GPC6: variants seen among roughly 807,000 people sequenced by gnomAD.
GPC6 encodes glypican-6.
In GPC6, 14 loss-of-function variants were observed where a neutral mutation model predicts 55.2. That is an observed-to-expected ratio of 0.25 (90% CI 0.17 to 0.40). The LOEUF is 0.40. Ranked by LOEUF, GPC6 falls within the 10% of genes least tolerant of loss-of-function variation. The pLI is 1.00. For synonymous variants in GPC6, 278 were observed against 259.6 expected (o/e 1.07, Z -0.68); for missense variants, 641 against 708.5 (o/e 0.90, Z 1.08).
intron 4 of GPC6, among the ~76,000 whole-genome samples, chr13:94,076,958 C>A (rs891814904): frequency 6.6e-5 from 5 of 76,098 alleles, no homozygotes; most frequent in Non-Finnish European, 1.3e-4. Flanking sequence ...TCTGGTGCTT[C>A]TGTTTTTTTT....
chr13:93,762,577 C>T (rs1884988518), intron 2 of GPC6, among the ~76,000 whole-genome samples: 1 of 152,172 alleles, frequency 6.6e-6, no homozygotes, highest in South Asian at 2.1e-4. Flanking sequence ...AGTTACAAAG[C>T]ATGCAGTAGA....
intron 2 of GPC6, among the ~76,000 whole-genome samples, chr13:93,583,708 G>T (rs922131522): frequency 6.6e-6 from 1 of 152,178 alleles, no homozygotes. Context: ...GAACCACCAC[G>T]CCTGGCCCCC....
chr13:93,443,172 A>G (rs1382009831), intron 1 of GPC6, among the ~76,000 whole-genome samples: 1 of 152,214 alleles, frequency 6.6e-6, no homozygotes, highest in Non-Finnish European at 1.5e-5. Context: ...ATAAGTGCAA[A>G]CAATGGTAAA....
At chr13:93,920,026 T>A (rs1877489648) in intron 3 of GPC6, among the ~76,000 whole-genome samples, 3 of 152,072 alleles carry the variant, frequency 2.0e-5, no homozygotes, top group Admixed American at 2.0e-4. Context: ...CAATCCAGCC[T>A]CTCCCATAAT....
At chr13:93,696,231 GACAGAAAGC>G (rs1292729309) in intron 2 of GPC6, among the ~76,000 whole-genome samples, 1 of 151,984 alleles carries the variant, frequency 6.6e-6, no homozygotes, top group Non-Finnish European at 1.5e-5. Context: ...TGCTTGATAA[GACAGAAAGC>G]ATCATTTCCA....
intron 6 of GPC6, 94 bp from the exon 7 acceptor site, chr13:94,382,320 C>G (rs1194194562): frequency 1.5e-6 from 2 of 1,299,204 alleles, no homozygotes; most frequent in African/African-American, 2.9e-5. Flanking sequence ...GGTCATATCA[C>G]AGGTTCTATA....
intron 1 of GPC6, among the ~76,000 whole-genome samples, chr13:93,523,514 T>C (rs950115545): frequency 1.1e-4 from 16 of 151,766 alleles, no homozygotes; most frequent in Non-Finnish European, 2.1e-4. Flanking sequence ...CATATTTGTG[T>C]GTGTGTGTGT....
intron 4 of GPC6, among the ~76,000 whole-genome samples, chr13:94,202,576 G>C (rs567099439): frequency 3.7e-4 from 56 of 152,182 alleles, no homozygotes; most frequent in African/African-American, 1.3e-3. Flanking sequence ...TCTCCCACCG[G>C]GTCCCTCCCA....
chr13:94,070,292 C>T (rs1234434781), intron 4 of GPC6, among the ~76,000 whole-genome samples: 3 of 152,148 alleles, frequency 2.0e-5, no homozygotes, highest in African/African-American at 4.8e-5. Flanking sequence ...GACTGAATTA[C>T]CTCCCACCAG....
chr13:94,309,619 A>C (rs1452916322), intron 6 of GPC6, among the ~76,000 whole-genome samples: 6 of 151,686 alleles, frequency 4.0e-5, no homozygotes. Context: ...AGGTAGTCAG[A>C]AGCTTTCAGA....
chr13:93,737,864 A>G (rs987184720), intron 2 of GPC6, among the ~76,000 whole-genome samples: 10 of 152,094 alleles, frequency 6.6e-5, no homozygotes, highest in Non-Finnish European at 1.3e-4. Context: ...TTTTTCTAAG[A>G]TCAGCTTTTC....
At chr13:94,157,799 C>T (rs1018987611) in intron 4 of GPC6, among the ~76,000 whole-genome samples, 2 of 152,082 alleles carry the variant, frequency 1.3e-5, no homozygotes, top group Non-Finnish European at 2.9e-5. Context: ...GTAGGTATCA[C>T]GTCAGCCATG....
intron 2 of GPC6, among the ~76,000 whole-genome samples, chr13:93,692,966 A>C (rs532636055): frequency 1.3e-5 from 2 of 152,226 alleles, no homozygotes; most frequent in South Asian, 4.1e-4. Context: ...CTTGTTACCT[A>C]GCCTGGTTTC....
chr13:94,340,925 C>T (rs1452562413), intron 6 of GPC6, among the ~76,000 whole-genome samples: 1 of 152,164 alleles, frequency 6.6e-6, no homozygotes, highest in African/African-American at 2.4e-5. Flanking sequence ...TTCAAATAGT[C>T]TTTAGTATCT....
At chr13:93,855,727 G>A (rs996185604) in intron 3 of GPC6, among the ~76,000 whole-genome samples, 2 of 151,618 alleles carry the variant, frequency 1.3e-5, no homozygotes, top group Non-Finnish European at 3.0e-5. Flanking sequence ...AGTGTGTAGT[G>A]TATCTCATTG....
At chr13:93,496,328 A>T (rs1042670387) in intron 1 of GPC6, among the ~76,000 whole-genome samples, 1 of 150,074 alleles carries the variant, frequency 6.7e-6, no homozygotes, top group African/African-American at 2.5e-5. Context: ...CGGAAAAGGA[A>T]CTCCCTGACC....
chr13:93,742,889 G>A (rs1594418387), intron 2 of GPC6, among the ~76,000 whole-genome samples: 1 of 152,084 alleles, frequency 6.6e-6, no homozygotes, highest in Admixed American at 6.5e-5. Context: ...ACTTGTGTAC[G>A]TAACTGAAGA....
At chr13:94,171,945 TA>T (rs565133999) in intron 4 of GPC6, among the ~76,000 whole-genome samples, 210 of 152,308 alleles carry the variant, frequency 1.4e-3, no homozygotes, top group African/African-American at 4.5e-3. Context: ...GTGAAGCCCA[TA>T]AACAATTGTG....
At chr13:94,316,622 C>T (rs1484421778) in intron 6 of GPC6, among the ~76,000 whole-genome samples, 7 of 149,180 alleles carry the variant, frequency 4.7e-5, no homozygotes, top group Admixed American at 3.4e-4. Flanking sequence ...GAGGCTGAGG[C>T]AGGAGAATGG....
Sources: gnomAD v4.1 joint callset for allele counts (sites outside exome capture counted in the v4.1 genomes callset) on GRCh38, gnomAD v4.1.1 for gene constraint, MANE v1.5 for transcripts, NCBI Gene and HGNC (gene_info 2026-07-23, HGNC 2026-07-21) for gene names.